Variants in PCGF3 observed in about 807,000 individuals in gnomAD.
PCGF3 encodes the protein polycomb group ring finger 3, also known as polycomb group RING finger protein 3.
In PCGF3, 7 loss-of-function variants were observed where a neutral mutation model predicts 33.1. The observed-to-expected ratio is 0.21, with a 90% CI of 0.12 to 0.40. PCGF3 has a LOEUF of 0.40. Among genes scored for constraint, PCGF3 ranks in the 10% least tolerant of loss-of-function variants. The probability of loss-of-function intolerance (pLI) is 1.00; values close to 1 mark genes in which losing one functional copy is unlikely to be tolerated. For missense variants in PCGF3, 211 were observed against 313.3 expected, an observed-to-expected ratio of 0.67 and a Z score of 2.46; for synonymous variants, 153 against 121.3, an observed-to-expected ratio of 1.26 and a Z score of -1.72.
intron 9 of PCGF3, 115 bp downstream of exon 9, chr4:761,531 C>T: frequency 7.0e-7 from 1 of 1,423,908 alleles, no homozygotes; most frequent in Non-Finnish European, 9.4e-7. Context: ...AGATTTTAAC[C>T]AGAAAAAAAT....
intron 8 of PCGF3, among the ~76,000 whole-genome samples, chr4:753,178 A>C (rs936061050): frequency 1.3e-5 from 2 of 152,218 alleles, no homozygotes; most frequent in African/African-American, 4.8e-5. Context: ...TTAGAACAGA[A>C]CTTTAGAGCT....
chr4:762,967 A>T (rs530990687), intron 9 of PCGF3: 1 of 152,372 alleles, frequency 6.6e-6, no homozygotes, highest in African/African-American at 2.4e-5. Flanking sequence ...GTCTCGGGAC[A>T]GGCTGGCGTA....
In PCGF3 at chr4:768,022, C is replaced by T. The variant is rs183828880; in HGVS notation, c.*1943C>T. On this transcript the variant is annotated 3_prime_UTR_variant, in exon 11 of 11. Transcript: ENST00000362003. ...ATTCAAATAAAATTAAATCACAGTT[C>T]AGATGAAACTGAATATCATTGTAAT... The T allele has an allele frequency of 9.2e-5, 14 of 152,786 alleles. No individual in the cohort carries two copies. The East Asian group carries it at 2.5e-3, about 27-fold the overall frequency. 9.5% of individuals were successfully genotyped at this position (152,786 alleles called of 1,614,324 possible). A position where few individuals can be genotyped will look rare whatever the true frequency, so the allele number is the denominator to read the frequency against.
intron 8 of PCGF3, among the ~76,000 whole-genome samples, chr4:748,324 C>T (rs750003583): frequency 1.4e-4 from 22 of 151,958 alleles, no homozygotes; most frequent in Non-Finnish European, 2.8e-4. Context: ...CTCAGCCTCC[C>T]GAGTAGCTGG....
chr4:760,974 G>C (rs922136509), intron 8 of PCGF3, among the ~76,000 whole-genome samples: 1 of 152,236 alleles, frequency 6.6e-6, no homozygotes, highest in African/African-American at 2.4e-5. Flanking sequence ...GGCTTAGCTG[G>C]AGACCAAGAA....
chr4:756,423 G>C (rs560814352), intron 8 of PCGF3, among the ~76,000 whole-genome samples: 1 of 151,396 alleles, frequency 6.6e-6, no homozygotes, highest in East Asian at 1.9e-4. Flanking sequence ...ATGTTGGCCC[G>C]TCTGGCCTCG....
chr4:760,343 C>T (rs898025577), intron 8 of PCGF3, among the ~76,000 whole-genome samples: 1 of 149,662 alleles, frequency 6.7e-6, no homozygotes, highest in East Asian at 2.0e-4. Context: ...GTGTGTTTAT[C>T]TCTACTCCTG....
chr4:765,851 C>T (rs17164977), intron 10 of PCGF3, among the ~76,000 whole-genome samples, 181 bp from the exon 11 acceptor site: 7 of 152,208 alleles, frequency 4.6e-5, no homozygotes, highest in Non-Finnish European at 7.4e-5. Flanking sequence ...CTTCCTAGCC[C>T]GTCTTCCCCC....
At chr4:734,557 C>G in intron 4 of PCGF3, 1 of 1,164,792 alleles carries the variant, frequency 8.6e-7, no homozygotes, top group Non-Finnish European at 1.1e-6. Context: ...TTGATTTTAT[C>G]TAGTTGTACG....
intron 8 of PCGF3, among the ~76,000 whole-genome samples, chr4:748,866 C>T (rs1399097296): frequency 6.6e-6 from 1 of 152,046 alleles, no homozygotes. Context: ...AGCAGTTCCC[C>T]AGTGGTGAGG....
chr4:724,645 G>A (rs1322070326), intron 1 of PCGF3, among the ~76,000 whole-genome samples: 2 of 152,308 alleles, frequency 1.3e-5, no homozygotes, highest in East Asian at 3.9e-4. Flanking sequence ...CCAACGTGGT[G>A]AAACCCCCGT....
At chr4:719,512 G>A (rs1290960107) in intron 1 of PCGF3, among the ~76,000 whole-genome samples, 1 of 152,238 alleles carries the variant, frequency 6.6e-6, no homozygotes, top group East Asian at 1.9e-4. Flanking sequence ...CGCCCCCCCA[G>A]GTCCTGTGTC....
chr4:756,508 C>T (rs62294061), intron 8 of PCGF3, among the ~76,000 whole-genome samples: 11,082 of 152,218 alleles, frequency 0.073, 475 homozygotes, highest in South Asian at 0.14. Context: ...CCACTGCACC[C>T]GGCTCTTTTC....
intron 1 of PCGF3, among the ~76,000 whole-genome samples, chr4:727,898 C>T (rs1431498853): frequency 2.6e-5 from 4 of 152,138 alleles, no homozygotes; most frequent in Non-Finnish European, 5.9e-5. Flanking sequence ...GAGTATGAGA[C>T]TGAATTATTT....
At chr4:718,851 G>T (rs1374040193) in intron 1 of PCGF3, among the ~76,000 whole-genome samples, 3 of 152,236 alleles carry the variant, frequency 2.0e-5, no homozygotes, top group African/African-American at 7.2e-5. Flanking sequence ...GCCAGAGATG[G>T]AGCAGGGATG....
In PCGF3 at chr4:733,561, C is replaced by G. The variant is rs1743706741; in HGVS notation, c.-9-111C>G. 1.3e-5 allele frequency: 14 copies of G among 1,113,382 alleles called. No individual in the cohort carries two copies. In the East Asian group the frequency reaches 3.3e-4, roughly 26 times the overall value. 69.0% of individuals were successfully genotyped at this position (1,113,382 alleles called of 1,614,324 possible). On this transcript the variant is annotated intron_variant, in intron 3 of 10. Coordinates refer to ENST00000362003, the Ensembl canonical transcript of PCGF3. ...CGTGAGCCCAAGAGGCTCCTGCCAC[C>G]CAGGCCTCAGGGCCTGCACTGTCCT...
At chr4:714,018 C>T (rs774365381) in intron 1 of PCGF3, among the ~76,000 whole-genome samples, 4 of 152,142 alleles carry the variant, frequency 2.6e-5, no homozygotes, top group African/African-American at 4.8e-5. Context: ...CTGTGTCCCC[C>T]AGAATCCATG....
At chr4:769,181 A>C (rs780277073) in exon 11 of PCGF3, 2 of 152,696 alleles carry the variant, frequency 1.3e-5, no homozygotes, top group Non-Finnish European at 1.5e-5. Flanking sequence ...GGGCAGGGCC[A>C]TGTGGCCTCA....
chr4:767,314 ATTTTTT>A, exon 11 of PCGF3: 1 of 146,982 alleles, frequency 6.8e-6, no homozygotes, highest in African/African-American at 2.5e-5. Flanking sequence ...CCACACACAC[ATTTTTT>A]TTTTTCCTTT....
Sources: allele counts gnomAD v4.1 joint callset (sites outside exome capture counted in the v4.1 genomes callset), GRCh38; gene constraint gnomAD v4.1.1; transcripts MANE v1.5; gene names NCBI Gene and HGNC (gene_info 2026-07-23, HGNC 2026-07-21).